Variants in CAMK1D observed in about 807,000 individuals in gnomAD.
The protein encoded by CAMK1D is calcium/calmodulin-dependent protein kinase type 1D.
In CAMK1D, 9 loss-of-function variants were observed where a neutral mutation model predicts 47.7. The observed-to-expected ratio is 0.19, with a 90% CI of 0.11 to 0.33. CAMK1D has a LOEUF of 0.33. Ranked by LOEUF, CAMK1D falls within the 10% of genes least tolerant of loss-of-function variation. The pLI is 1.00. For missense variants in CAMK1D, 291 were observed against 488.7 expected, an observed-to-expected ratio of 0.60 and a Z score of 3.81; for synonymous variants, 184 against 184.9, an observed-to-expected ratio of 0.99 and a Z score of 0.04.
intron 1 of CAMK1D, among the ~76,000 whole-genome samples, chr10:12,523,361 G>T (rs1835503934): frequency 6.6e-6 from 1 of 152,170 alleles, no homozygotes; most frequent in Admixed American, 6.5e-5. Flanking sequence ...GGCAGAGGCT[G>T]CAATCTCGGC....
chr10:12,401,033 A>AT (rs1270104618), intron 1 of CAMK1D, among the ~76,000 whole-genome samples: 2 of 112,852 alleles, frequency 1.8e-5, no homozygotes, highest in Non-Finnish European at 1.7e-5. Context: ...TATAATATAT[A>AT]AATATATGTA....
intron 3 of CAMK1D, among the ~76,000 whole-genome samples, chr10:12,693,506 G>T (rs1833016780): frequency 1.3e-5 from 2 of 151,890 alleles, no homozygotes. Flanking sequence ...AGCCTAGGTG[G>T]ACATGGTGAG....
At chr10:12,469,697 C>G (rs1023662600) in intron 1 of CAMK1D, among the ~76,000 whole-genome samples, 5 of 152,244 alleles carry the variant, frequency 3.3e-5, no homozygotes, top group Non-Finnish European at 5.9e-5. Context: ...TTTAAGAATC[C>G]AATTTTAAAA....
intron 2 of CAMK1D, among the ~76,000 whole-genome samples, chr10:12,634,645 G>A (rs906564159): frequency 2.6e-5 from 4 of 152,114 alleles, no homozygotes; most frequent in Admixed American, 6.6e-5. Flanking sequence ...CCCCAGAGCC[G>A]CCTGGCTGAC....
chr10:12,589,683 T>G (rs964131630), intron 2 of CAMK1D, among the ~76,000 whole-genome samples: 1 of 151,852 alleles, frequency 6.6e-6, no homozygotes, highest in Admixed American at 6.6e-5. Flanking sequence ...ACACAGGGAG[T>G]AGCTTCAGAT....
intron 5 of CAMK1D, among the ~76,000 whole-genome samples, chr10:12,773,321 G>A (rs1468339391): frequency 6.6e-6 from 1 of 152,152 alleles, no homozygotes; most frequent in African/African-American, 2.4e-5. Context: ...TGGGTTCCAA[G>A]ATACTTCACC....
intron 2 of CAMK1D, among the ~76,000 whole-genome samples, chr10:12,577,257 G>A (rs1837519441): frequency 6.6e-6 from 1 of 152,172 alleles, no homozygotes; most frequent in Admixed American, 6.5e-5. Flanking sequence ...CGCCGTGTTG[G>A]GTTCCCAGCC....
intron 2 of CAMK1D, among the ~76,000 whole-genome samples, chr10:12,631,161 A>G (rs4750244): frequency 0.38 from 57,763 of 151,998 alleles, 11,142 homozygotes; most frequent in South Asian, 0.48. Context: ...TTGAGAATAG[A>G]TACTTTAAGG....
intron 1 of CAMK1D, among the ~76,000 whole-genome samples, chr10:12,538,719 C>T (rs545017830): frequency 1.8e-4 from 27 of 151,948 alleles, no homozygotes; most frequent in Non-Finnish European, 1.9e-4. Context: ...TCCATCCAGC[C>T]AGTACTGTGC....
chr10:12,779,998 C>T (rs777095545), intron 5 of CAMK1D, among the ~76,000 whole-genome samples: 1 of 152,084 alleles, frequency 6.6e-6, no homozygotes, highest in South Asian at 2.1e-4. Flanking sequence ...TGCAAAGCCA[C>T]GATAGATATC....
At chr10:12,366,532 G>T (rs1406914353) in intron 1 of CAMK1D, among the ~76,000 whole-genome samples, 1 of 151,426 alleles carries the variant, frequency 6.6e-6, no homozygotes, top group Non-Finnish European at 1.5e-5. Flanking sequence ...GGTAGCGCAT[G>T]CCTGTAATCC....
chr10:12,567,879 A>G (rs1837173374), intron 2 of CAMK1D, among the ~76,000 whole-genome samples: 1 of 152,174 alleles, frequency 6.6e-6, no homozygotes, highest in Non-Finnish European at 1.5e-5. Context: ...AGAATGGTCA[A>G]GATACCTGGG....
At chr10:12,679,404 G>C (rs1025260618) in intron 3 of CAMK1D, among the ~76,000 whole-genome samples, 2 of 152,122 alleles carry the variant, frequency 1.3e-5, no homozygotes, top group African/African-American at 4.8e-5. Flanking sequence ...GATGGGGCTA[G>C]TAAAATATAT....
chr10:12,449,270 C>G (rs528077910), intron 1 of CAMK1D, among the ~76,000 whole-genome samples: 1 of 152,064 alleles, frequency 6.6e-6, no homozygotes, highest in Non-Finnish European at 1.5e-5. Flanking sequence ...CCTCCCCAAG[C>G]TGAGTGGGCA....
At chr10:12,827,647 TC>T (rs1225328207) in intron 10 of CAMK1D, among the ~76,000 whole-genome samples, 1 of 6,056 alleles carries the variant, frequency 1.7e-4, no homozygotes, top group East Asian at 9.4e-3. Context: ...CCCTCTCCCC[TC>T]TCCTCTCTCC....
intron 1 of CAMK1D, among the ~76,000 whole-genome samples, chr10:12,357,780 C>T (rs998652850): frequency 2.0e-5 from 3 of 152,140 alleles, no homozygotes; most frequent in East Asian, 1.9e-4. Context: ...AGCCTGATCT[C>T]GGTTCACGTT....
At chr10:12,595,857 G>A (rs1440024853) in intron 2 of CAMK1D, among the ~76,000 whole-genome samples, 2 of 152,146 alleles carry the variant, frequency 1.3e-5, no homozygotes, top group Admixed American at 1.3e-4. Context: ...ATTGCACTGG[G>A]CTGTGAAAGC....
intron 2 of CAMK1D, among the ~76,000 whole-genome samples, chr10:12,561,297 C>T (rs767932354): frequency 4.6e-5 from 7 of 151,882 alleles, no homozygotes; most frequent in African/African-American, 1.2e-4. Flanking sequence ...TGGTTAAAGC[C>T]GAAAACTTGC....
chr10:12,522,201 CTTT>C (rs746434997), intron 1 of CAMK1D, among the ~76,000 whole-genome samples: 1 of 38,870 alleles, frequency 2.6e-5, no homozygotes, highest in East Asian at 5.4e-4. Flanking sequence ...CTTTTTTTTT[CTTT>C]TTTTTTTTTT....
Sources: gnomAD v4.1 joint callset for allele counts (sites outside exome capture counted in the v4.1 genomes callset) on GRCh38, gnomAD v4.1.1 for gene constraint, MANE v1.5 for transcripts, NCBI Gene and HGNC (gene_info 2026-07-23, HGNC 2026-07-21) for gene names.